NKAIN2: variants seen among roughly 807,000 people sequenced by gnomAD.
NKAIN2 encodes sodium/potassium transporting ATPase interacting 2.
In NKAIN2, 14 loss-of-function variants were observed where a neutral mutation model predicts 32.6. The observed-to-expected ratio is 0.43, with a 90% CI of 0.28 to 0.67. NKAIN2 has a LOEUF of 0.67. Ranked by LOEUF, NKAIN2 falls within the 30% of genes least tolerant of loss-of-function variation. The pLI is 0.17. For synonymous variants in NKAIN2, 80 were observed against 87.2 expected (o/e 0.92, Z 0.46); for missense variants, 198 against 258.3 (o/e 0.77, Z 1.60).
chr6:124,138,680 A>G (rs1786968263), intron 1 of NKAIN2, among the ~76,000 whole-genome samples: 1 of 142,964 alleles, frequency 7.0e-6, no homozygotes, highest in Non-Finnish European at 1.5e-5. Flanking sequence ...ATTATGTTAT[A>G]TAAGTGGATA....
At chr6:123,952,701 T>C (rs753166883) in intron 1 of NKAIN2, among the ~76,000 whole-genome samples, 1 of 152,178 alleles carries the variant, frequency 6.6e-6, no homozygotes, top group African/African-American at 2.4e-5. Context: ...TATATTTTTA[T>C]TCTATTTACT....
chr6:124,008,897 GCTAACAAACAGTAGA>G (rs1780195403), intron 1 of NKAIN2, among the ~76,000 whole-genome samples: 1 of 152,162 alleles, frequency 6.6e-6, no homozygotes, highest in African/African-American at 2.4e-5. Context: ...ATGTGTAACT[GCTAACAAACAGTAGA>G]ATTGTGTGTT....
Position 124,026,586 on chromosome 6 carries a change from C to G in NKAIN2, c.54+222332C>G, listed in dbSNP as rs774273691. Among the ~76,000 whole-genome samples the G allele has an allele frequency of 1.1e-4, 17 of 152,212 alleles. 1 individual carries two copies. The highest frequency in any genetic ancestry group is 2.4e-4 in the Non-Finnish European group (16 of 68,040). On this transcript the variant is annotated intron_variant, in intron 1 of 6. Coordinates refer to ENST00000368417, the MANE Select transcript of NKAIN2 (RefSeq NM_001040214.3). ...GGGATATCCATGACACTACTCCCCT[C>G]TCCTGCTTTTAAGAGACACTCATCA...
chr6:124,538,666 A>G (rs1286828432), intron 3 of NKAIN2, among the ~76,000 whole-genome samples: 1 of 152,050 alleles, frequency 6.6e-6, no homozygotes, highest in Non-Finnish European at 1.5e-5. Context: ...TCACTGTTTT[A>G]TCTCTGAAAA....
chr6:124,177,261 T>C (rs1363195151), intron 1 of NKAIN2, among the ~76,000 whole-genome samples: 1 of 152,204 alleles, frequency 6.6e-6, no homozygotes, highest in African/African-American at 2.4e-5. Context: ...TCCAAACAAT[T>C]AGAAATTTTA....
At chr6:124,060,502 G>A (rs1782874838) in intron 1 of NKAIN2, among the ~76,000 whole-genome samples, 1 of 152,148 alleles carries the variant, frequency 6.6e-6, no homozygotes, top group Admixed American at 6.6e-5. Flanking sequence ...GCAGATACAA[G>A]CAGAAAGCCT....
intron 4 of NKAIN2, among the ~76,000 whole-genome samples, chr6:124,789,872 T>C (rs1188572841): frequency 3.3e-5 from 5 of 152,120 alleles, no homozygotes; most frequent in Non-Finnish European, 5.9e-5. Context: ...AACTCATTCT[T>C]CTGATATAGC....
intron 4 of NKAIN2, among the ~76,000 whole-genome samples, chr6:124,709,894 G>A (rs897329022): frequency 6.6e-6 from 1 of 151,896 alleles, no homozygotes; most frequent in African/African-American, 2.4e-5. Context: ...GTTTGCTCTT[G>A]CTTTTCTAAT....
chr6:124,046,900 A>G (rs1372333131), intron 1 of NKAIN2, among the ~76,000 whole-genome samples: 1 of 152,012 alleles, frequency 6.6e-6, no homozygotes, highest in African/African-American at 2.4e-5. Context: ...TAAATCCAGG[A>G]AAGTATATTG....
intron 2 of NKAIN2, among the ~76,000 whole-genome samples, chr6:124,354,756 A>T (rs1414451728): frequency 6.6e-6 from 1 of 151,660 alleles, no homozygotes; most frequent in Non-Finnish European, 1.5e-5. Context: ...TAAAACAATA[A>T]TGTGGATTAC....
At chr6:124,761,783 G>A (rs1778276201) in intron 4 of NKAIN2, among the ~76,000 whole-genome samples, 3 of 152,112 alleles carry the variant, frequency 2.0e-5, no homozygotes, top group Admixed American at 6.6e-5. Flanking sequence ...TTAACAATCT[G>A]AATGGGGAAA....
intron 1 of NKAIN2, among the ~76,000 whole-genome samples, chr6:124,265,750 C>A (rs1197136343): frequency 1.3e-5 from 2 of 151,216 alleles, no homozygotes; most frequent in Non-Finnish European, 3.0e-5. Context: ...GCCAGGCCAG[C>A]AAGGCAATCA....
intron 3 of NKAIN2, among the ~76,000 whole-genome samples, chr6:124,403,700 A>G (rs1397020952): frequency 6.6e-6 from 1 of 152,168 alleles, no homozygotes; most frequent in Non-Finnish European, 1.5e-5. Context: ...TAGTGGGAGG[A>G]GAGAAATCAA....
chr6:124,362,217 A>T (rs1583126924), intron 3 of NKAIN2, among the ~76,000 whole-genome samples: 2 of 152,188 alleles, frequency 1.3e-5, no homozygotes, highest in East Asian at 3.9e-4. Context: ...AGAAAATTTC[A>T]ATTAACTATT....
At position 124,470,420 on chromosome 6, in the gene NKAIN2, C is replaced by A. The variant is rs539944518; in HGVS notation, c.273+115073C>A. 7.9e-5 allele frequency among the ~76,000 whole-genome samples: 12 copies of A among 152,172 alleles called. No individual in the cohort carries two copies. The East Asian group carries it at 2.3e-3, about 29-fold the overall frequency. On this transcript the variant is annotated intron_variant, in intron 3 of 6. Coordinates refer to ENST00000368417, the MANE Select transcript of NKAIN2 (RefSeq NM_001040214.3). ...AGGAATGATGGGAGTGCTTTCCAATCAGGTGGCTTTGCAGAAGACTAGACA... is the reference window on the plus strand; with the variant it reads ...AGGAATGATGGGAGTGCTTTCCAATAAGGTGGCTTTGCAGAAGACTAGACA...
At chr6:124,764,442 T>C (rs926400116) in intron 4 of NKAIN2, among the ~76,000 whole-genome samples, 6 of 152,182 alleles carry the variant, frequency 3.9e-5, no homozygotes, top group African/African-American at 1.4e-4. Flanking sequence ...GGATAATTGG[T>C]TTCATCTTAC....
chr6:123,976,595 C>G (rs1232521901), intron 1 of NKAIN2, among the ~76,000 whole-genome samples: 3 of 151,144 alleles, frequency 2.0e-5, no homozygotes, highest in Non-Finnish European at 4.4e-5. Context: ...AAGGATGAGG[C>G]CCATCCACAT....
At chr6:124,383,621 G>C (rs1301706084) in intron 3 of NKAIN2, among the ~76,000 whole-genome samples, 1 of 152,086 alleles carries the variant, frequency 6.6e-6, no homozygotes, top group Non-Finnish European at 1.5e-5. Context: ...ACTGACCTTG[G>C]ATAAACTCCA....
intron 3 of NKAIN2, among the ~76,000 whole-genome samples, chr6:124,363,803 A>G (rs903474956): frequency 2.6e-5 from 4 of 152,202 alleles, no homozygotes; most frequent in Non-Finnish European, 5.9e-5. Flanking sequence ...TAAAGACACC[A>G]TTATATTAGA....
Sources: gnomAD v4.1 joint callset for allele counts (sites outside exome capture counted in the v4.1 genomes callset) on GRCh38, gnomAD v4.1.1 for gene constraint, MANE v1.5 for transcripts, NCBI Gene and HGNC (gene_info 2026-07-23, HGNC 2026-07-21) for gene names.